SLC19A1: variants seen among roughly 807,000 people sequenced by gnomAD.
SLC19A1 encodes the protein solute carrier family 19 member 1.
SLC19A1 carries 37 observed loss-of-function variants against 35.3 expected under a neutral mutation model. That is an observed-to-expected ratio of 1.05 (90% confidence interval 0.81 to 1.38). SLC19A1 has a LOEUF of 1.38. Ranked by LOEUF, SLC19A1 falls within the 40% of genes most tolerant of loss-of-function variation. The pLI, the probability that SLC19A1 is intolerant of heterozygous loss-of-function variation, is 0.00. For missense variants in SLC19A1, 831 were observed against 826.9 expected (o/e 1.00, Z -0.06); for synonymous variants, 460 against 398.5 (o/e 1.15, Z -1.84).
chr21:45,552,469 C>G (rs1167090723), intron 1 of SLC19A1, among the ~76,000 whole-genome samples: 1 of 152,138 alleles, frequency 6.6e-6, no homozygotes, highest in African/African-American at 2.4e-5. Context: ...AGAGCGACAC[C>G]CACCCGGAGG....
At chr21:45,506,403 G>T in intron 3 of SLC19A1, 1 of 325,272 alleles carries the variant, frequency 3.1e-6, no homozygotes, top group Non-Finnish European at 6.0e-6. Flanking sequence ...ACACCAAGGT[G>T]GGATGAAATG....
chr21:45,515,114 T>A lies in SLC19A1; in HGVS notation c.*544A>T. 6.5e-7 allele frequency: 1 copy of A among 1,542,122 alleles called. No individual in the cohort carries two copies. Among genetic ancestry groups the A allele is most frequent in the Non-Finnish European group, 8.7e-7 (1 of 1,144,402 alleles). ...TGTCTGCCGCCAACCTGAGATGGCT[T>A]TTCCACAGAGACAGAGAAGCCACAT... On this transcript the variant is annotated 3_prime_UTR_variant, in exon 6 of 6. Transcript: ENST00000311124.
Position 45,527,794 on chromosome 21 carries a change from G to A in SLC19A1, c.1152-1836C>T, listed in dbSNP as rs58287256. On this transcript the variant is annotated intron_variant, in intron 4 of 5. Coordinates refer to ENST00000311124, the MANE Select transcript of SLC19A1 (RefSeq NM_194255.4). ...GAGGTGAGTGGCAGCCAGGCAGGGCGGGCCCTGGAGGTGAGCGGTGGCATG... is the reference window on the plus strand; with the variant it reads ...GAGGTGAGTGGCAGCCAGGCAGGGCAGGCCCTGGAGGTGAGCGGTGGCATG... 2.1e-3 allele frequency among the ~76,000 whole-genome samples: 307 copies of A among 149,076 alleles called. 3 individuals are homozygous for A. Among genetic ancestry groups the A allele is most frequent in the African/African-American group, 7.3e-3 (293 of 40,050 alleles).
intron 1 of SLC19A1, among the ~76,000 whole-genome samples, chr21:45,551,054 A>G (rs2078461321): frequency 6.6e-6 from 1 of 150,792 alleles, no homozygotes; most frequent in Non-Finnish European, 1.5e-5. Flanking sequence ...TGTTCTTCAC[A>G]GTCCCAGCTA....
chr21:45,537,467 G>A (rs62214294), intron 2 of SLC19A1, among the ~76,000 whole-genome samples: 27 of 86,502 alleles, frequency 3.1e-4, no homozygotes, highest in African/African-American at 3.6e-4. Context: ...GCTGCTCCCC[G>A]CCCACCCACA....
chr21:45,552,572 G>T (rs2078476761), intron 1 of SLC19A1, among the ~76,000 whole-genome samples: 1 of 152,218 alleles, frequency 6.6e-6, no homozygotes, highest in African/African-American at 2.4e-5. Flanking sequence ...GGAGGGATTA[G>T]CGCGTGCTAT....
intron 1 of SLC19A1, among the ~76,000 whole-genome samples, chr21:45,553,470 A>G (rs1422494669): frequency 6.6e-6 from 1 of 151,864 alleles, no homozygotes; most frequent in East Asian, 1.9e-4. Context: ...GTGGTAAAAG[A>G]GACATAAAAT....
At chr21:45,519,154 G>A (rs1039854972) in intron 5 of SLC19A1, among the ~76,000 whole-genome samples, 20 of 152,172 alleles carry the variant, frequency 1.3e-4, no homozygotes, top group Admixed American at 2.0e-4. Flanking sequence ...ATGTATTAAT[G>A]TAATCCATAA....
downstream of SLC19A1, chr21:45,507,602 C>G (rs1303619540): frequency 1.4e-5 from 22 of 1,612,746 alleles, no homozygotes; most frequent in Non-Finnish European, 1.6e-5. Flanking sequence ...CGGTAAGGAG[C>G]CTTTTTTCTG....
At chr21:45,508,353 A>AGTGGGTGAGTGGATGGGTGGATGGACAG (rs1242306041), downstream of SLC19A1, among the ~76,000 whole-genome samples, 2 of 140,426 alleles carry the variant, frequency 1.4e-5, no homozygotes, top group Admixed American at 7.0e-5. Flanking sequence ...ATGGTGGACA[A>AGTGGGTGAGTGGATGGGTGGATGGACAG]GTGGGTGAGT....
intron 1 of SLC19A1, among the ~76,000 whole-genome samples, chr21:45,538,874 C>T (rs1313438039): frequency 6.6e-6 from 1 of 152,204 alleles, no homozygotes; most frequent in Non-Finnish European, 1.5e-5. Context: ...TGGGGACCAT[C>T]CCGCCAGCAC....
intron 1 of SLC19A1, 78 bp from the exon 2 acceptor site, chr21:45,538,086 C>G: frequency 1.3e-6 from 1 of 786,092 alleles, no homozygotes; most frequent in Non-Finnish European, 1.8e-6. Flanking sequence ...AGGCCCAGTG[C>G]CGGCCTCCTC....
At chr21:45,550,524 A>C (rs1569028189) in intron 1 of SLC19A1, among the ~76,000 whole-genome samples, 1 of 152,178 alleles carries the variant, frequency 6.6e-6, no homozygotes, top group Non-Finnish European at 1.5e-5. Context: ...GAACTGCATG[A>C]AATAAACAGG....
intron 3 of SLC19A1, chr21:45,503,944 G>A (rs922485325): frequency 3.8e-6 from 6 of 1,575,136 alleles, no homozygotes; most frequent in African/African-American, 1.3e-5. Flanking sequence ...AGTGCTGGGG[G>A]CTGCAGAGGG....
At chr21:45,555,626 T>C (rs113401342) in intron 1 of SLC19A1, among the ~76,000 whole-genome samples, 54,878 of 144,240 alleles carry the variant, frequency 0.38, 10,549 homozygotes, top group East Asian at 0.49. Context: ...TCCCGGGCAC[T>C]TGGGACTCAG....
chr21:45,508,159 ATAGG>A (rs1489524352), downstream of SLC19A1, among the ~76,000 whole-genome samples: 1 of 142,412 alleles, frequency 7.0e-6, no homozygotes. Flanking sequence ...GGGTGAGTGG[ATAGG>A]TAGGTAGCTG....
chr21:45,509,367 G>T, downstream of SLC19A1: 1 of 1,545,466 alleles, frequency 6.5e-7, no homozygotes. Flanking sequence ...ACAATGAAGT[G>T]GCCGCCTTGC....
chr21:45,512,082 T>G (rs912885661), downstream of SLC19A1: 111 of 1,250,732 alleles, frequency 8.9e-5, no homozygotes, highest in Non-Finnish European at 1.2e-4. Flanking sequence ...AGCCCCCTGG[T>G]AACCCCAGGG....
intron 3 of SLC19A1, chr21:45,504,091 G>T (rs773830583): frequency 6.2e-7 from 1 of 1,607,262 alleles, no homozygotes; most frequent in Non-Finnish European, 8.5e-7. Context: ...GGCCCCCAAG[G>T]TCCTGTACAT....
Sources: gnomAD v4.1 joint callset for allele counts (sites outside exome capture counted in the v4.1 genomes callset) on GRCh38, gnomAD v4.1.1 for gene constraint, MANE v1.5 for transcripts, NCBI Gene and HGNC (gene_info 2026-07-23, HGNC 2026-07-21) for gene names.